The following CLPTM1 variants were observed in gnomAD, a reference collection of about 807,000 sequenced individuals.
CLPTM1 encodes putative lipid scramblase CLPTM1.
In CLPTM1, 21 loss-of-function variants were observed where a neutral mutation model predicts 77.3. That is an observed-to-expected ratio of 0.27 (90% CI 0.19 to 0.39). The LOEUF (loss-of-function observed/expected upper bound fraction) is 0.39, where lower values mean the gene tolerates loss of function less well. Among genes scored for constraint, CLPTM1 ranks in the 10% least tolerant of loss-of-function variants. CLPTM1 has a pLI of 1.00. For synonymous variants in CLPTM1, 373 were observed against 381.0 expected (o/e 0.98, Z 0.24); for missense variants, 642 against 921.2 (o/e 0.70, Z 3.92).
rs1004620242 is a variant in CLPTM1 at position 44,966,996 on chromosome 19, A to C, written c.185+4921A>C. Among the ~76,000 whole-genome samples, 25 of 152,064 alleles carry C rather than the reference A, an allele frequency of 1.6e-4. No individual in the cohort carries two copies. The East Asian group carries it at 3.1e-3, about 19-fold the overall frequency. Reference sequence around the variant, plus strand: ...AGCTGGGACTACAGGCGCCCGCCACAGCGCCCGGCTAATTTTTTGTATTTT... The same window carrying C: ...AGCTGGGACTACAGGCGCCCGCCACCGCGCCCGGCTAATTTTTTGTATTTT... On this transcript the variant is annotated intron_variant, in intron 2 of 13. Transcript: ENST00000337392.
In CLPTM1 at chr19:44,991,116, G is replaced by C; in HGVS notation, c.1420-122G>C. 1 of 1,532,222 alleles carries C rather than the reference G, an allele frequency of 6.5e-7. No individual in the cohort carries two copies. 94.9% of individuals were successfully genotyped at this position (1,532,222 alleles called of 1,614,324 possible). A position where few individuals can be genotyped will look rare whatever the true frequency, so the allele number is the denominator to read the frequency against. Reference sequence around the variant, plus strand: ...TCCCTGGGCGAGTCCGGAGTCCCCAGGGCTACCTGGAAATTCCCCCTGCCC... The same window carrying C: ...TCCCTGGGCGAGTCCGGAGTCCCCACGGCTACCTGGAAATTCCCCCTGCCC... On this transcript the variant is annotated intron_variant, in intron 11 of 13. Coordinates refer to ENST00000337392, the MANE Select transcript of CLPTM1 (RefSeq NM_001294.4). The surrounding 1 kb of genome is among the most constrained non-coding windows in gnomAD (Gnocchi z 5.4).
intron 1 of CLPTM1, among the ~76,000 whole-genome samples, chr19:44,956,092 C>T (rs1021076815): frequency 8.5e-5 from 13 of 152,158 alleles, no homozygotes; most frequent in African/African-American, 2.4e-4. Flanking sequence ...CGGATGACTT[C>T]TGCCCCACTG....
chr19:44,988,721 A>C (rs888587204), intron 9 of CLPTM1, among the ~76,000 whole-genome samples: 5 of 152,242 alleles, frequency 3.3e-5, no homozygotes, highest in African/African-American at 1.2e-4. Flanking sequence ...TCACTTGCCC[A>C]GTCACACGGT....
In CLPTM1 at chr19:44,991,455, C is replaced by T. The variant is rs1971074712; in HGVS notation, c.1555+82C>T. 2.6e-6 allele frequency: 4 copies of T among 1,535,254 alleles called. No homozygotes were observed. The highest frequency in any genetic ancestry group is 1.7e-5 in the Admixed American group (1 of 57,328). ...GCCCCAGTGTAGGAGACAGACCCAT[C>T]CCCAGACAGGGACAACCTAGGGTGG... On this transcript the variant is annotated intron_variant, in intron 12 of 13. Transcript: ENST00000337392. This position sits in a 1 kb window ranked among gnomAD's most constrained non-coding sequence, Gnocchi z 5.4.
At chr19:44,987,531 C>CT in intron 8 of CLPTM1, 108 bp downstream of exon 8, 1 of 1,445,948 alleles carries the variant, frequency 6.9e-7, no homozygotes, top group South Asian at 1.3e-5. Flanking sequence ...TGGTGCTCCT[C>CT]TGCCCACAGT....
chr19:44,986,663 C>T (rs568694846), intron 7 of CLPTM1, 88 bp downstream of exon 7: 4 of 1,508,768 alleles, frequency 2.7e-6, no homozygotes, highest in East Asian at 2.3e-5. Context: ...GCCCTGTCCC[C>T]CTGAGAGAGC....
chr19:44,988,986 G>C (rs1284864078), intron 9 of CLPTM1, among the ~76,000 whole-genome samples: 5 of 152,232 alleles, frequency 3.3e-5, no homozygotes, highest in African/African-American at 1.2e-4. Flanking sequence ...TTTGAGACCA[G>C]CCTGGGCAAC....
In CLPTM1 at chr19:44,990,641, G is replaced by T; in HGVS notation, c.1323+56G>T. On this transcript the variant is annotated intron_variant, in intron 10 of 13. Coordinates refer to ENST00000337392, the MANE Select transcript of CLPTM1 (RefSeq NM_001294.4). The surrounding 1 kb of genome is among the most constrained non-coding windows in gnomAD (Gnocchi z 4.8). ...GCTGCAGGGGTTGGGAGGGGGTAGT[G>T]TGGCCCAGCTGGACCCTGGAGCTGG... 6.3e-7 allele frequency: 1 copy of T among 1,582,148 alleles called. No individual in the cohort carries two copies.
At chr19:44,976,439 C>T (rs1315868345) in intron 4 of CLPTM1, among the ~76,000 whole-genome samples, 3 of 152,182 alleles carry the variant, frequency 2.0e-5, no homozygotes, top group South Asian at 4.1e-4. Context: ...GTGCCATGAT[C>T]GCAACTGCAA....
intron 2 of CLPTM1, among the ~76,000 whole-genome samples, chr19:44,971,501 C>T (rs1355178831): frequency 6.6e-6 from 1 of 152,128 alleles, no homozygotes; most frequent in Non-Finnish European, 1.5e-5. Flanking sequence ...AGAAATGTTG[C>T]TCTTTCTAAG....
At chr19:44,962,201 T>C in intron 2 of CLPTM1, 126 bp downstream of exon 2, 1 of 453,072 alleles carries the variant, frequency 2.2e-6, no homozygotes, top group Non-Finnish European at 3.9e-6. Context: ...TTTTTTTCTT[T>C]TTTTTTTTGT....
chr19:44,955,370 C>CGGGGGCGGGGGGGGGGCGGGGGGG, upstream of CLPTM1: 1 of 477,220 alleles, frequency 2.1e-6, no homozygotes, highest in Non-Finnish European at 2.7e-6. Flanking sequence ...GGGCTGGCGG[C>CGGGGGCGGGGGGGGGGCGGGGGGG]GGGGGCGGGG....
At chr19:44,975,384 T>C (rs1174212246) in intron 4 of CLPTM1, among the ~76,000 whole-genome samples, 2 of 152,178 alleles carry the variant, frequency 1.3e-5, no homozygotes, top group Non-Finnish European at 2.9e-5. Flanking sequence ...CAGCAAGTAT[T>C]GAACAAGTAA....
At position 44,955,434 on chromosome 19, in the gene CLPTM1, C is replaced by T; in HGVS notation, c.39C>T (p.Ala13=). The T allele has an allele frequency of 2.3e-6, 3 of 1,307,878 alleles. No individual in the cohort carries two copies. Among genetic ancestry groups the T allele is most frequent in the South Asian group, 5.1e-5 (2 of 39,540 alleles). The allele number at this position is 1,307,878 out of a possible 1,614,324, so 81.0% of individuals were successfully genotyped here. A position where few individuals can be genotyped will look rare whatever the true frequency, so the allele number is the denominator to read the frequency against. Reference sequence around the variant, plus strand: ...AGGAGGCGGACGGGGCCCGCAGCGCCGTGGTGGCGGCCGGGGGAGGCAGCT... The same window carrying T: ...AGGAGGCGGACGGGGCCCGCAGCGCTGTGGTGGCGGCCGGGGGAGGCAGCT... ...AAQEADGARS[A]VVAAGGGSSG... is the part of the protein sequence containing the mutation. The change falls in exon 1 of 14, where the codon GCC becomes GCT. Residue 13 remains alanine (A), a synonymous_variant. Transcript: ENST00000337392.
chr19:44,992,262 A>T lies in CLPTM1; in HGVS notation c.1585A>T (p.Ile529Phe). The T allele has an allele frequency of 6.2e-7, 1 of 1,614,046 alleles. No individual in the cohort carries two copies. The highest frequency in any genetic ancestry group is 8.5e-7 in the Non-Finnish European group (1 of 1,179,964). ...GFITMTPQLFINYKLKSVAHL... is the reference protein window; with the variant it reads ...GFITMTPQLFFNYKLKSVAHL... Reference sequence around the variant, plus strand: ...CATCACCATGACGCCCCAGCTCTTCATCAACTACAAGCTCAAGTCTGTGGC... The same window carrying T: ...CATCACCATGACGCCCCAGCTCTTCTTCAACTACAAGCTCAAGTCTGTGGC... Residue 529 changes from isoleucine to phenylalanine, a missense_variant, in exon 13 of 14, where the codon ATC (isoleucine) becomes TTC (phenylalanine). Around this residue, in one of 2 missense-constraint regions of CLPTM1, gnomAD observed 521 missense variants for 800.4 expected, o/e 0.65. Transcript: ENST00000337392. This position sits in a 1 kb window ranked among gnomAD's most constrained non-coding sequence, Gnocchi z 7.7.
chr19:44,955,119 C>T, upstream of CLPTM1: 1 of 1,535,724 alleles, frequency 6.5e-7, no homozygotes, highest in Non-Finnish European at 8.7e-7. Context: ...AGGGACAGAA[C>T]TTGCGGGAGG....
intron 5 of CLPTM1, among the ~76,000 whole-genome samples, chr19:44,983,764 A>C (rs953253897): frequency 2.6e-5 from 4 of 151,988 alleles, no homozygotes; most frequent in Non-Finnish European, 5.9e-5. Context: ...AGATTGAGAC[A>C]ATCCTGGCTA....
intron 1 of CLPTM1, 33 bp downstream of exon 1, chr19:44,955,500 T>C: frequency 7.9e-7 from 1 of 1,271,668 alleles, no homozygotes; most frequent in African/African-American, 1.5e-5. Flanking sequence ...GAGGGGGTTC[T>C]TCCCCAGCCG....
At chr19:44,982,118 G>C (rs1020755707) in intron 5 of CLPTM1, among the ~76,000 whole-genome samples, 1 of 148,676 alleles carries the variant, frequency 6.7e-6, no homozygotes, top group South Asian at 2.1e-4. Flanking sequence ...GGAGGTTGAG[G>C]CAGGTGGATC....
Sources: allele counts gnomAD v4.1 joint callset (sites outside exome capture counted in the v4.1 genomes callset), GRCh38; gene constraint gnomAD v4.1.1; regional missense constraint gnomAD v4.1.1; non-coding constraint Gnocchi (gnomAD v3.1); transcripts MANE v1.5; gene names NCBI Gene and HGNC (gene_info 2026-07-23, HGNC 2026-07-21).